Variants in CSMD1 observed in about 807,000 individuals in gnomAD.
The protein encoded by CSMD1 is CUB and sushi domain-containing protein 1.
A neutral mutation model predicts 417.5 loss-of-function variants in CSMD1; 213 were observed. That is an observed-to-expected ratio of 0.51 (90% CI 0.46 to 0.57). The LOEUF (loss-of-function observed/expected upper bound fraction) is 0.57. Among genes scored for constraint, CSMD1 ranks in the 20% least tolerant of loss-of-function variants. The pLI is 0.00. For synonymous variants in CSMD1, 2,862 were observed against 1,736.8 expected, an observed-to-expected ratio of 1.65 and a Z score of -16.11; for missense variants, 6,923 against 4,529.7, an observed-to-expected ratio of 1.53 and a Z score of -15.17.
intron 2 of CSMD1, among the ~76,000 whole-genome samples, chr8:4,607,532 G>T (rs535698466): frequency 4.6e-5 from 7 of 152,240 alleles, no homozygotes; most frequent in Admixed American, 2.6e-4. Flanking sequence ...TCAACATGGT[G>T]CTGAATTTGA....
At chr8:3,603,321 T>A (rs1801451631) in intron 8 of CSMD1, among the ~76,000 whole-genome samples, 1 of 152,222 alleles carries the variant, frequency 6.6e-6, no homozygotes, top group African/African-American at 2.4e-5. Context: ...GTTATGTTCC[T>A]TAAAATTTTT....
At chr8:3,647,401 T>C (rs967880567) in intron 7 of CSMD1, among the ~76,000 whole-genome samples, 1 of 134,240 alleles carries the variant, frequency 7.4e-6, no homozygotes, top group South Asian at 2.4e-4. Context: ...TAAAGAGAAA[T>C]AGAACACAAA....
intron 30 of CSMD1, among the ~76,000 whole-genome samples, chr8:3,212,069 A>C (rs1797644891): frequency 6.6e-6 from 1 of 152,110 alleles, no homozygotes; most frequent in African/African-American, 2.4e-5. Context: ...GGCACCAGGG[A>C]GACCTTGGTC....
chr8:3,755,144 C>A (rs2623731), intron 5 of CSMD1, among the ~76,000 whole-genome samples: 5,851 of 152,184 alleles, frequency 0.038, 314 homozygotes, highest in East Asian at 0.23. Flanking sequence ...AGCTCCTGCC[C>A]GTTAGAGGCG....
At chr8:3,190,177 G>A in intron 33 of CSMD1, 62 bp from the exon 34 acceptor site, 2 of 1,373,858 alleles carry the variant, frequency 1.5e-6, no homozygotes, top group East Asian at 2.5e-5. Context: ...GACGTTGCGT[G>A]GAACGTGGGT....
chr8:3,410,382 C>T (rs1185629045), intron 12 of CSMD1, among the ~76,000 whole-genome samples: 1 of 152,298 alleles, frequency 6.6e-6, no homozygotes, highest in Non-Finnish European at 1.5e-5. Flanking sequence ...GCTGTGTCCC[C>T]ACCTAATTCT....
At chr8:4,151,941 A>G (rs1796591699) in intron 3 of CSMD1, among the ~76,000 whole-genome samples, 1 of 152,200 alleles carries the variant, frequency 6.6e-6, no homozygotes, top group Non-Finnish European at 1.5e-5. Context: ...TTGCCTGCAT[A>G]AAATCAATGG....
chr8:4,161,085 A>T (rs1563204590), intron 3 of CSMD1, among the ~76,000 whole-genome samples: 2 of 151,488 alleles, frequency 1.3e-5, no homozygotes, highest in African/African-American at 4.9e-5. Flanking sequence ...TAAATAATGT[A>T]AGAGATACAT....
At chr8:3,168,809 G>C (rs909708125) in intron 37 of CSMD1, among the ~76,000 whole-genome samples, 1 of 144,632 alleles carries the variant, frequency 6.9e-6, no homozygotes, top group Non-Finnish European at 1.5e-5. Context: ...TATCTTAAAT[G>C]CTATTTCTAT....
intron 12 of CSMD1, among the ~76,000 whole-genome samples, chr8:3,424,922 G>A (rs1043353344): frequency 6.6e-6 from 1 of 152,124 alleles, no homozygotes; most frequent in Non-Finnish European, 1.5e-5. Context: ...ATGATCTCAG[G>A]CTCCTGGGCT....
At chr8:4,370,663 G>A (rs1020014521) in intron 3 of CSMD1, among the ~76,000 whole-genome samples, 8 of 152,020 alleles carry the variant, frequency 5.3e-5, no homozygotes, top group East Asian at 1.9e-4. Flanking sequence ...GTATGCTCAC[G>A]TTGCTTCAAA....
intron 21 of CSMD1, among the ~76,000 whole-genome samples, chr8:3,358,515 G>T (rs545875167): frequency 4.6e-5 from 7 of 152,246 alleles, no homozygotes; most frequent in Admixed American, 1.3e-4. Flanking sequence ...GCTAATAAAC[G>T]TCACCCCACT....
chr8:3,326,876 G>A (rs1273242909), intron 23 of CSMD1, among the ~76,000 whole-genome samples: 2 of 152,076 alleles, frequency 1.3e-5, no homozygotes, highest in Non-Finnish European at 2.9e-5. Context: ...AAAAATGTAT[G>A]GCTATGTCTT....
chr8:3,157,275 C>G lies in CSMD1; in HGVS notation c.5914+622G>C, dbSNP rs572318250. On this transcript the variant is annotated intron_variant, in intron 39 of 69. Transcript: ENST00000635120. ...CACCCTGACATCACCAACCTTTGTA[C>G]TGAGGGACTTGTGACCACCACCTTC... Among the ~76,000 whole-genome samples the G allele has an allele frequency of 1.1e-4, 17 of 152,254 alleles. No individual in the cohort carries two copies. The South Asian group carries it at 3.5e-3, about 32-fold the overall frequency.
At chr8:3,751,842 C>G (rs550423103) in intron 6 of CSMD1, among the ~76,000 whole-genome samples, 1 of 152,296 alleles carries the variant, frequency 6.6e-6, no homozygotes, top group African/African-American at 2.4e-5. Flanking sequence ...CTTTAATTCA[C>G]TGTTGTTCAG....
intron 12 of CSMD1, among the ~76,000 whole-genome samples, chr8:3,422,891 G>T (rs527564099): frequency 6.6e-6 from 1 of 152,242 alleles, no homozygotes; most frequent in East Asian, 1.9e-4. Flanking sequence ...CCTCCAGAGG[G>T]AGGAACACTG....
At chr8:4,329,503 G>A (rs540479463) in intron 3 of CSMD1, among the ~76,000 whole-genome samples, 3 of 152,164 alleles carry the variant, frequency 2.0e-5, no homozygotes, top group African/African-American at 7.2e-5. Flanking sequence ...GGCCAGGCCA[G>A]TCTCAAACTC....
chr8:3,435,838 G>A (rs761846713), intron 12 of CSMD1, among the ~76,000 whole-genome samples: 9 of 152,180 alleles, frequency 5.9e-5, no homozygotes, highest in Non-Finnish European at 1.0e-4. Flanking sequence ...CATGGCAGGG[G>A]GCTGATGCCT....
chr8:4,962,939 G>C (rs1183026925), intron 1 of CSMD1, among the ~76,000 whole-genome samples: 1 of 152,118 alleles, frequency 6.6e-6, no homozygotes, highest in Non-Finnish European at 1.5e-5. Context: ...ATGAGAGATG[G>C]GAGGAGAACA....
Sources: allele counts gnomAD v4.1 joint callset (sites outside exome capture counted in the v4.1 genomes callset), GRCh38; gene constraint gnomAD v4.1.1; transcripts MANE v1.5; gene names NCBI Gene and HGNC (gene_info 2026-07-23, HGNC 2026-07-21).